Variants in BICD1 observed in about 807,000 individuals in gnomAD.
BICD1 encodes the protein BICD cargo adaptor 1.
A neutral mutation model predicts 92.5 loss-of-function variants in BICD1; 35 were observed. The ratio of observed to expected loss-of-function variants is 0.38; its 90% CI spans 0.29 to 0.50. BICD1 has a LOEUF of 0.50. Ranked by LOEUF, BICD1 falls within the 20% of genes least tolerant of loss-of-function variation. The pLI, the probability that BICD1 is intolerant of heterozygous loss-of-function variation, is 0.93. For synonymous variants in BICD1, 429 were observed against 465.1 expected (o/e 0.92, Z 1.00); for missense variants, 950 against 1,189.8 (o/e 0.80, Z 2.97).
intron 2 of BICD1, among the ~76,000 whole-genome samples, chr12:32,238,181 T>A (rs1268808753): frequency 6.6e-6 from 1 of 152,018 alleles, no homozygotes; most frequent in Non-Finnish European, 1.5e-5. Flanking sequence ...AGCGGGTGGA[T>A]CACAAGCATA....
intron 2 of BICD1, among the ~76,000 whole-genome samples, chr12:32,235,755 C>G (rs569968872): frequency 6.7e-6 from 1 of 148,510 alleles, no homozygotes; most frequent in South Asian, 2.1e-4. Flanking sequence ...GGCTGGAGTG[C>G]AGTGGTGCGA....
chr12:32,202,950 T>C (rs1417118986), intron 1 of BICD1, among the ~76,000 whole-genome samples: 1 of 152,158 alleles, frequency 6.6e-6, no homozygotes, highest in East Asian at 1.9e-4. Context: ...TTGGATGATG[T>C]CAGGTACCCC....
intron 1 of BICD1, chr12:32,108,589 A>G: frequency 1.5e-6 from 1 of 667,534 alleles, no homozygotes; most frequent in East Asian, 2.7e-5. Flanking sequence ...TTTAAATGTT[A>G]ATTATTGTTT....
intron 4 of BICD1, among the ~76,000 whole-genome samples, chr12:32,307,913 T>C (rs1179223592): frequency 6.6e-6 from 1 of 152,234 alleles, no homozygotes; most frequent in Non-Finnish European, 1.5e-5. Context: ...GGCTTTGAGA[T>C]AAAAAGTTAG....
intron 9 of BICD1, among the ~76,000 whole-genome samples, chr12:32,376,584 T>C (rs1939974614): frequency 6.6e-6 from 1 of 151,330 alleles, no homozygotes; most frequent in South Asian, 2.2e-4. Flanking sequence ...TGGGAAATGT[T>C]AGGCTGGGCT....
At chr12:32,293,061 C>T (rs566227165) in intron 2 of BICD1, among the ~76,000 whole-genome samples, 309 of 152,128 alleles carry the variant, frequency 2.0e-3, no homozygotes, top group South Asian at 0.012. Context: ...TAAAATCAAA[C>T]GAATAGGCTC....
intron 5 of BICD1, chr12:32,333,225 C>A (rs932119453): frequency 2.0e-6 from 2 of 985,188 alleles, no homozygotes; most frequent in African/African-American, 3.5e-5. Flanking sequence ...AAACAACTGC[C>A]GTTTTTCCCC....
intron 1 of BICD1, among the ~76,000 whole-genome samples, chr12:32,144,238 C>T (rs1408639796): frequency 6.6e-6 from 1 of 152,144 alleles, no homozygotes; most frequent in African/African-American, 2.4e-5. Context: ...TTTAACCCTT[C>T]ATAACTTTGA....
intron 2 of BICD1, among the ~76,000 whole-genome samples, chr12:32,219,066 T>C (rs1945438852): frequency 6.6e-6 from 1 of 152,212 alleles, no homozygotes; most frequent in Non-Finnish European, 1.5e-5. Context: ...GTACAGTGAT[T>C]GGAAGAGAGA....
At chr12:32,256,188 G>T (rs1467704080) in intron 2 of BICD1, among the ~76,000 whole-genome samples, 1 of 152,064 alleles carries the variant, frequency 6.6e-6, no homozygotes, top group African/African-American at 2.4e-5. Context: ...GAGTAGGCAG[G>T]ACTACAGCCA....
intron 2 of BICD1, among the ~76,000 whole-genome samples, chr12:32,238,010 T>A (rs7962134): frequency 0.13 from 19,165 of 152,220 alleles, 1,998 homozygotes; most frequent in African/African-American, 0.28. Context: ...CTGGAAAGGA[T>A]TCACAATTCT....
intron 1 of BICD1, among the ~76,000 whole-genome samples, chr12:32,173,802 C>G (rs1200006913): frequency 6.6e-6 from 1 of 152,156 alleles, no homozygotes; most frequent in Non-Finnish European, 1.5e-5. Flanking sequence ...AAACACTTCT[C>G]TAAGAAATTT....
intron 4 of BICD1, among the ~76,000 whole-genome samples, chr12:32,321,796 C>A (rs1385386299): frequency 6.6e-6 from 1 of 151,978 alleles, no homozygotes; most frequent in African/African-American, 2.4e-5. Flanking sequence ...GTCAAGAGTT[C>A]GAGACCAGCC....
chr12:32,197,317 T>G (rs1214625622), intron 1 of BICD1, among the ~76,000 whole-genome samples: 1 of 152,158 alleles, frequency 6.6e-6, no homozygotes, highest in Non-Finnish European at 1.5e-5. Context: ...CCTCAAGATT[T>G]TACTTATATT....
chr12:32,151,222 C>G (rs902300758), intron 1 of BICD1, among the ~76,000 whole-genome samples: 1 of 152,148 alleles, frequency 6.6e-6, no homozygotes, highest in African/African-American at 2.4e-5. Context: ...GTTCCCAGCT[C>G]CCCCAGAGGC....
At chr12:32,252,034 A>ATAAATATCATATAT (rs1946544930) in intron 2 of BICD1, among the ~76,000 whole-genome samples, 1 of 56,676 alleles carries the variant, frequency 1.8e-5, no homozygotes, top group Non-Finnish European at 3.3e-5. Flanking sequence ...TATATTTATA[A>ATAAATATCATATAT]TATATATTTA....
intron 1 of BICD1, among the ~76,000 whole-genome samples, chr12:32,146,829 C>T (rs1008105421): frequency 1.0e-4 from 14 of 138,166 alleles, no homozygotes; most frequent in African/African-American, 3.8e-4. Context: ...CTCCCTCCCT[C>T]CCTCCCTTCC....
intron 5 of BICD1, chr12:32,332,607 C>A: frequency 3.1e-6 from 1 of 326,254 alleles, no homozygotes; most frequent in Non-Finnish European, 4.4e-6. Context: ...AACACAATTA[C>A]AGTTCAACGT....
At chr12:32,114,861 C>CA (rs1480519351) in intron 1 of BICD1, among the ~76,000 whole-genome samples, 1 of 152,134 alleles carries the variant, frequency 6.6e-6, no homozygotes, top group East Asian at 1.9e-4. Flanking sequence ...TCTAAGAAGG[C>CA]AGCCTAAGTG....
Sources: gnomAD v4.1 joint callset for allele counts (sites outside exome capture counted in the v4.1 genomes callset) on GRCh38, gnomAD v4.1.1 for gene constraint, MANE v1.5 for transcripts, NCBI Gene and HGNC (gene_info 2026-07-23, HGNC 2026-07-21) for gene names.